SMAP1: variants seen among roughly 807,000 people sequenced by gnomAD.
SMAP1 encodes stromal membrane-associated protein 1.
A neutral mutation model predicts 58.5 loss-of-function variants in SMAP1; 24 were observed. The ratio of observed to expected loss-of-function variants is 0.41; its 90% CI spans 0.30 to 0.58. The LOEUF (loss-of-function observed/expected upper bound fraction) is 0.58. Ranked by LOEUF, SMAP1 falls within the 20% of genes least tolerant of loss-of-function variation. The pLI, the probability that SMAP1 is intolerant of heterozygous loss-of-function variation, is 0.29. For missense variants in SMAP1, 563 were observed against 566.3 expected, an observed-to-expected ratio of 0.99 and a Z score of 0.06; for synonymous variants, 216 against 196.6, an observed-to-expected ratio of 1.10 and a Z score of -0.82.
intron 6 of SMAP1, among the ~76,000 whole-genome samples, chr6:70,810,599 C>G (rs1049906045): frequency 2.0e-5 from 3 of 151,920 alleles, no homozygotes; most frequent in Non-Finnish European, 2.9e-5. Flanking sequence ...TTTTTAGATA[C>G]AGGGTCTCAC....
At chr6:70,773,829 A>G (rs528530915) in intron 4 of SMAP1, among the ~76,000 whole-genome samples, 96 of 152,318 alleles carry the variant, frequency 6.3e-4, no homozygotes, top group Non-Finnish European at 1.0e-3. Flanking sequence ...GCCCAGGAAT[A>G]TATTAAAAGA....
At chr6:70,675,344 T>G (rs1387326192) in intron 1 of SMAP1, among the ~76,000 whole-genome samples, 1 of 151,562 alleles carries the variant, frequency 6.6e-6, no homozygotes, top group Non-Finnish European at 1.5e-5. Flanking sequence ...GAGCCAGAAA[T>G]TTTTTCATTA....
intron 6 of SMAP1, among the ~76,000 whole-genome samples, chr6:70,831,703 T>C (rs1273511461): frequency 1.3e-5 from 2 of 152,186 alleles, no homozygotes; most frequent in Non-Finnish European, 2.9e-5. Flanking sequence ...GTCTTTGCTA[T>C]TGTGAACAGT....
intron 6 of SMAP1, among the ~76,000 whole-genome samples, chr6:70,826,934 C>CAAAAAAAAAAAAAA (rs61069311): frequency 6.5e-5 from 5 of 76,630 alleles, no homozygotes; most frequent in African/African-American, 1.7e-4. Context: ...AACCGTGTCT[C>CAAAAAAAAAAAAAA]AAAAAAAAAA....
chr6:70,690,369 C>T (rs1396030219), intron 1 of SMAP1, among the ~76,000 whole-genome samples: 3 of 151,760 alleles, frequency 2.0e-5, no homozygotes, highest in Admixed American at 6.6e-5. Context: ...TGCAGTGGTG[C>T]GATCTCGGCT....
intron 1 of SMAP1, among the ~76,000 whole-genome samples, chr6:70,731,612 A>T (rs1765435339): frequency 6.6e-6 from 1 of 152,210 alleles, no homozygotes; most frequent in Non-Finnish European, 1.5e-5. Flanking sequence ...TTTAATTAAT[A>T]TGCAGTATGC....
At chr6:70,699,337 C>T (rs563285017) in intron 1 of SMAP1, among the ~76,000 whole-genome samples, 12 of 152,280 alleles carry the variant, frequency 7.9e-5, no homozygotes, top group South Asian at 6.2e-4. Flanking sequence ...ACTGGGACTG[C>T]GCTGGATTAG....
chr6:70,759,786 T>G (rs1345081271), intron 3 of SMAP1: 3 of 352,750 alleles, frequency 8.5e-6, no homozygotes, highest in Non-Finnish European at 1.7e-5. Context: ...TATAGTGAAT[T>G]GATTGGTGTC....
intron 3 of SMAP1, among the ~76,000 whole-genome samples, chr6:70,757,151 G>C (rs1481842765): frequency 1.3e-5 from 2 of 151,630 alleles, no homozygotes; most frequent in Non-Finnish European, 2.9e-5. Flanking sequence ...AAACAGCATG[G>C]TACTGGTACC....
Position 70,861,381 on chromosome 6 carries a change from T to TATC in SMAP1, c.*1048_*1050dup, listed in dbSNP as rs1582332357. ...AGAAAAAATATATACTCAAGAGTGG[T>TATC]ATCTTGCAGTATCGGCACTGTACAA... On this transcript the variant is annotated 3_prime_UTR_variant, in exon 11 of 11. Coordinates refer to ENST00000370455, the MANE Select transcript of SMAP1 (RefSeq NM_001044305.3). 1.1e-5 allele frequency: 4 copies of TATC among 359,630 alleles called. No homozygotes were observed. In the East Asian group the frequency reaches 1.9e-4, roughly 17 times the overall value. The allele number at this position is 359,630 out of a possible 1,614,324, so 22.3% of individuals were successfully genotyped here.
At chr6:70,671,144 T>C (rs757207193) in intron 1 of SMAP1, among the ~76,000 whole-genome samples, 2 of 152,100 alleles carry the variant, frequency 1.3e-5, no homozygotes, top group Non-Finnish European at 2.9e-5. Flanking sequence ...GTTTTCAGTA[T>C]TTAAAGTGTT....
chr6:70,764,221 A>C (rs1766868330), intron 3 of SMAP1, among the ~76,000 whole-genome samples: 1 of 152,132 alleles, frequency 6.6e-6, no homozygotes, highest in Non-Finnish European at 1.5e-5. Flanking sequence ...CTGGTTCATG[A>C]AGTTTAAGAA....
chr6:70,744,170 ATTC>A (rs918773081), intron 2 of SMAP1, among the ~76,000 whole-genome samples: 3 of 133,358 alleles, frequency 2.2e-5, no homozygotes, highest in East Asian at 3.8e-4. Context: ...TTAACTCCTA[ATTC>A]TTTTTTTTTT....
chr6:70,754,426 T>C (rs1238379627), intron 2 of SMAP1, among the ~76,000 whole-genome samples: 1 of 152,036 alleles, frequency 6.6e-6, no homozygotes, highest in Non-Finnish European at 1.5e-5. Context: ...TTAGGCACAA[T>C]TTATTAGGGT....
At chr6:70,781,805 A>G (rs2149925894) in intron 4 of SMAP1, among the ~76,000 whole-genome samples, 1 of 152,280 alleles carries the variant, frequency 6.6e-6, no homozygotes, top group South Asian at 2.1e-4. Flanking sequence ...TTATTCTTGT[A>G]GGTGGGAGTT....
At chr6:70,716,853 G>A (rs921761870) in intron 1 of SMAP1, among the ~76,000 whole-genome samples, 1 of 151,848 alleles carries the variant, frequency 6.6e-6, no homozygotes, top group Non-Finnish European at 1.5e-5. Flanking sequence ...CATTTCCTTA[G>A]GGTCAGTTTC....
intron 1 of SMAP1, among the ~76,000 whole-genome samples, chr6:70,700,053 G>A (rs1337963993): frequency 6.6e-6 from 1 of 152,054 alleles, no homozygotes; most frequent in East Asian, 1.9e-4. Context: ...CCTGGTGGGA[G>A]GTTTGTGGGT....
At chr6:70,705,451 T>A (rs964601148) in intron 1 of SMAP1, among the ~76,000 whole-genome samples, 1 of 151,942 alleles carries the variant, frequency 6.6e-6, no homozygotes, top group Admixed American at 6.6e-5. Context: ...TGGGGTTTCA[T>A]CATGTTGGCC....
intron 1 of SMAP1, among the ~76,000 whole-genome samples, chr6:70,721,310 A>G (rs947313926): frequency 9.2e-5 from 14 of 152,174 alleles, no homozygotes; most frequent in African/African-American, 3.1e-4. Context: ...AAGTTCCACA[A>G]ACCTCTAGGG....
Sources: gnomAD v4.1 joint callset for allele counts (sites outside exome capture counted in the v4.1 genomes callset) on GRCh38, gnomAD v4.1.1 for gene constraint, MANE v1.5 for transcripts, NCBI Gene and HGNC (gene_info 2026-07-23, HGNC 2026-07-21) for gene names.